Variants in ANKRD11 observed in about 807,000 individuals in gnomAD.
ANKRD11 encodes the protein ankyrin repeat domain-containing protein 11.
A neutral mutation model predicts 195.7 loss-of-function variants in ANKRD11; 17 were observed. That is an observed-to-expected ratio of 0.09 (90% CI 0.06 to 0.13). The LOEUF (loss-of-function observed/expected upper bound fraction) is 0.13. Ranked by LOEUF, ANKRD11 falls within the 10% of genes least tolerant of loss-of-function variation. The pLI, the probability that ANKRD11 is intolerant of heterozygous loss-of-function variation, is 1.00. For synonymous variants in ANKRD11, 1,953 were observed against 1,528.1 expected, an observed-to-expected ratio of 1.28 and a Z score of -6.49; for missense variants, 3,735 against 3,566.1, an observed-to-expected ratio of 1.05 and a Z score of -1.21.
At chr16:89,356,615 C>CAA (rs1215696016) in intron 2 of ANKRD11, among the ~76,000 whole-genome samples, 61 of 113,320 alleles carry the variant, frequency 5.4e-4, no homozygotes, top group African/African-American at 1.1e-3. Flanking sequence ...ACTAAAAATA[C>CAA]AAAAAAAAAA....
At chr16:89,421,599 C>T (rs1318737268) in intron 1 of ANKRD11, among the ~76,000 whole-genome samples, 2 of 91,168 alleles carry the variant, frequency 2.2e-5, no homozygotes, top group Admixed American at 9.8e-5. Flanking sequence ...TGTGTGATGA[C>T]GGAGTCAGGG....
At position 89,281,331 on chromosome 16, in the gene ANKRD11, G is replaced by T; in HGVS notation, c.5211C>A (p.Phe1737Leu). 1 of 1,613,670 alleles carries T rather than the reference G, an allele frequency of 6.2e-7. No homozygotes were observed. The highest frequency in any genetic ancestry group is 8.5e-7 in the Non-Finnish European group (1 of 1,179,672). The change falls in exon 9 of 13, where the codon TTC (phenylalanine) becomes TTA (leucine). Residue 1737 changes from phenylalanine to leucine, a missense_variant. By Grantham distance (22) the Phe-to-Leu change is conservative. Transcript: ENST00000301030. The surrounding 1 kb of genome is among the most constrained non-coding windows in gnomAD (Gnocchi z 5.5). ...CSADDYADLVFDCADSQHSTP... is the reference protein window; with the variant it reads ...CSADDYADLVLDCADSQHSTP... ...TGGAGTGCTGCGAGTCGGCGCAGTC[G>T]AACACGAGGTCCGCGTAGTCATCGG...
At chr16:89,459,649 G>A (rs1197038006) in intron 1 of ANKRD11, among the ~76,000 whole-genome samples, 2 of 152,132 alleles carry the variant, frequency 1.3e-5, no homozygotes, top group African/African-American at 4.8e-5. Flanking sequence ...AACTGATCGT[G>A]TTCTATAAAA....
rs79332224 is a variant in ANKRD11, at chr16:89,442,693, C to T, written c.-144-24325G>A. On this transcript the variant is annotated intron_variant, in intron 1 of 12. Transcript: ENST00000301030. Reference sequence around the variant, plus strand: ...AGGTGCTGACACGGTTAGTCCTTTCCTCCCCACCACCCACCAGGAATGTTG... The same window carrying T: ...AGGTGCTGACACGGTTAGTCCTTTCTTCCCCACCACCCACCAGGAATGTTG... Among the ~76,000 whole-genome samples the T allele has an allele frequency of 2.5e-3, 379 of 152,356 alleles. 1 individual carries two copies. Among genetic ancestry groups the T allele is most frequent in the African/African-American group, 8.7e-3 (362 of 41,572 alleles).
intron 1 of ANKRD11, among the ~76,000 whole-genome samples, chr16:89,473,837 C>A (rs1020659110): frequency 6.6e-6 from 1 of 152,180 alleles, no homozygotes; most frequent in Non-Finnish European, 1.5e-5. Flanking sequence ...CTGTGACGTG[C>A]TTCTAACCCA....
At chr16:89,384,874 GTTTTC>G (rs2040829937) in intron 2 of ANKRD11, among the ~76,000 whole-genome samples, 2 of 72,752 alleles carry the variant, frequency 2.7e-5, no homozygotes, top group African/African-American at 1.1e-4. Context: ...ATGAGAAATA[GTTTTC>G]TTTTTTTTTT....
At chr16:89,360,344 G>A (rs1427668085) in intron 2 of ANKRD11, among the ~76,000 whole-genome samples, 1 of 152,128 alleles carries the variant, frequency 6.6e-6, no homozygotes, top group Non-Finnish European at 1.5e-5. Flanking sequence ...CAATCCTCTC[G>A]AATTGGTCTC....
At chr16:89,479,008 TGG>T (rs2057350150) in intron 1 of ANKRD11, among the ~76,000 whole-genome samples, 1 of 152,132 alleles carries the variant, frequency 6.6e-6, no homozygotes, top group Non-Finnish European at 1.5e-5. Context: ...TAGAGACCAG[TGG>T]CATGATCTCA....
At chr16:89,489,176 A>G (rs781343876) in intron 1 of ANKRD11, 1 of 151,698 alleles carries the variant, frequency 6.6e-6, no homozygotes. Context: ...TCCCTCTTTG[A>G]GAGGGGACTG....
intron 2 of ANKRD11, among the ~76,000 whole-genome samples, chr16:89,374,066 C>T (rs2040312526): frequency 6.6e-6 from 1 of 152,204 alleles, no homozygotes; most frequent in South Asian, 2.1e-4. Context: ...AGTGTGAGGC[C>T]CGCAGAGAGG....
At chr16:89,405,822 T>G (rs973692038) in intron 2 of ANKRD11, among the ~76,000 whole-genome samples, 1 of 152,108 alleles carries the variant, frequency 6.6e-6, no homozygotes, top group Non-Finnish European at 1.5e-5. Flanking sequence ...AAGGATGCAC[T>G]GCAGTCAATC....
At chr16:89,384,351 C>T (rs769050212) in intron 2 of ANKRD11, among the ~76,000 whole-genome samples, 20 of 152,140 alleles carry the variant, frequency 1.3e-4, no homozygotes, top group Non-Finnish European at 2.2e-4. Context: ...TCCAACATAG[C>T]GAAACCCCAT....
At chr16:89,297,627 C>T (rs2035529516) in intron 4 of ANKRD11, 1 of 152,250 alleles carries the variant, frequency 6.6e-6, no homozygotes, top group South Asian at 2.1e-4. Context: ...CAACTCCAAA[C>T]GAGGGCGCAA....
intron 2 of ANKRD11, among the ~76,000 whole-genome samples, chr16:89,363,823 G>C (rs999813028): frequency 6.6e-6 from 1 of 152,100 alleles, no homozygotes; most frequent in African/African-American, 2.4e-5. Context: ...AGGAGGCTGC[G>C]GCAAGGAGGA....
At chr16:89,468,862 A>G (rs953947788) in intron 1 of ANKRD11, among the ~76,000 whole-genome samples, 1 of 152,214 alleles carries the variant, frequency 6.6e-6, no homozygotes, top group African/African-American at 2.4e-5. Flanking sequence ...AGGAAGAATG[A>G]TACACTGTCA....
intron 2 of ANKRD11, among the ~76,000 whole-genome samples, chr16:89,330,201 T>C (rs761043090): frequency 2.6e-5 from 4 of 152,000 alleles, no homozygotes; most frequent in Non-Finnish European, 4.4e-5. Context: ...GAGGAAGCAA[T>C]ACACTTAGCT....
At chr16:89,489,822 C>T (rs1237585953) in intron 1 of ANKRD11, among the ~76,000 whole-genome samples, 1 of 145,692 alleles carries the variant, frequency 6.9e-6, no homozygotes, top group East Asian at 2.1e-4. Context: ...ACGGCCGCCC[C>T]GGGCCCCCAC....
rs745494194 is a variant in ANKRD11 at position 89,285,279 on chromosome 16, C to T, written c.1263G>A (p.Gly421=). ...CCGAGAGTCTCAGCTTCTCTCCTGT[C>T]CCCACGGTGACACTCGCGTCCTCCT... The part of the protein sequence containing the change: ...SDEEDASVTV[G]TGEKLRLSAH... Residue 421 remains glycine, a synonymous_variant, in exon 9 of 13, where the codon GGG becomes GGA. Coordinates refer to ENST00000301030, the MANE Select transcript of ANKRD11 (RefSeq NM_013275.6). The surrounding 1 kb of genome is among the most constrained non-coding windows in gnomAD (Gnocchi z 5.6). 1 of 1,613,910 alleles carries T rather than the reference C, an allele frequency of 6.2e-7. No individual in the cohort carries two copies. The highest frequency in any genetic ancestry group is 1.1e-5 in the South Asian group (1 of 91,084).
At chr16:89,298,494 C>T (rs1001873997) in intron 4 of ANKRD11, among the ~76,000 whole-genome samples, 4 of 152,186 alleles carry the variant, frequency 2.6e-5, no homozygotes, top group African/African-American at 9.6e-5. Context: ...AGAAATGGGC[C>T]CAAAGTCCCA....
Sources: gnomAD v4.1 joint callset for allele counts (sites outside exome capture counted in the v4.1 genomes callset) on GRCh38, gnomAD v4.1.1 for gene constraint, Gnocchi (gnomAD v3.1) non-coding constraint, MANE v1.5 for transcripts, NCBI Gene and HGNC (gene_info 2026-07-23, HGNC 2026-07-21) for gene names.